The following SKAP2 variants were observed in gnomAD, a reference collection of about 807,000 sequenced individuals.
SKAP2 encodes src kinase-associated phosphoprotein 2.
SKAP2 carries 28 observed loss-of-function variants against 54.9 expected under a neutral mutation model. The ratio of observed to expected loss-of-function variants is 0.51; its 90% CI spans 0.38 to 0.70. The LOEUF (loss-of-function observed/expected upper bound fraction) is 0.70. SKAP2 is among the 30% of genes least tolerant of loss of function. The pLI, the probability that SKAP2 is intolerant of heterozygous loss-of-function variation, is 0.00. For missense variants in SKAP2, 356 were observed against 424.1 expected (o/e 0.84, Z 1.41); for synonymous variants, 137 against 134.3 (o/e 1.02, Z -0.14).
chr7:26,698,835 T>C (rs1354391360), intron 9 of SKAP2, among the ~76,000 whole-genome samples: 3 of 152,198 alleles, frequency 2.0e-5, no homozygotes. Context: ...AATGATAAAA[T>C]TTGAGCTTTC....
At chr7:26,678,760 G>GC (rs773021927) in intron 11 of SKAP2, among the ~76,000 whole-genome samples, 8 of 151,988 alleles carry the variant, frequency 5.3e-5, no homozygotes, top group Non-Finnish European at 1.0e-4. Flanking sequence ...TTCCTTGATA[G>GC]CTGAATACTC....
chr7:26,844,084 T>G lies in SKAP2; in HGVS notation c.253A>C (p.Thr85Pro). Residue 85 changes from threonine to proline, a missense_variant, in exon 4 of 13, where the codon ACT (threonine) becomes CCT (proline). Physicochemically the swap from Thr to Pro is conservative, Grantham distance 38. Transcript: ENST00000345317. ...TATCGTTCTGAGGCTAATGAAATAG[T>G]GTCTGGAGGCCCAGCAAAAGGGTCA... The part of the protein sequence containing the change: ...YDDPFAGPPD[T>P]ISLASERYDK... The G allele has an allele frequency of 6.2e-7, 1 of 1,612,794 alleles. No individual in the cohort carries two copies. The highest frequency in any genetic ancestry group is 2.2e-5 in the East Asian group (1 of 44,814).
At chr7:26,820,183 T>G (rs2127990124) in intron 4 of SKAP2, among the ~76,000 whole-genome samples, 1 of 152,280 alleles carries the variant, frequency 6.6e-6, no homozygotes, top group South Asian at 2.1e-4. Flanking sequence ...TATTGTGAGA[T>G]CTTATCTCTT....
Position 26,854,173 on chromosome 7 carries a change from A to C in SKAP2, c.174-11T>G, listed in dbSNP as rs780140557. ...AATTCCTGAAGATAGCTACAAAACA[A>C]AGAACATATTTTTAAATGAGGTTGA... On this transcript the variant is annotated splice_polypyrimidine_tract_variant and intron_variant, in intron 2 of 12. Transcript: ENST00000345317. 6.4e-7 allele frequency: 1 copy of C among 1,559,950 alleles called. No homozygotes were observed. Among genetic ancestry groups the C allele is most frequent in the Non-Finnish European group, 8.7e-7 (1 of 1,147,276 alleles).
chr7:26,848,536 T>C (rs10272457), intron 3 of SKAP2, among the ~76,000 whole-genome samples: 32,188 of 152,026 alleles, frequency 0.21, 3,482 homozygotes, highest in Non-Finnish European at 0.24. Context: ...ATTATATATA[T>C]GCAAATGTCC....
intron 4 of SKAP2, among the ~76,000 whole-genome samples, chr7:26,789,247 T>G (rs1005706965): frequency 3.3e-5 from 5 of 152,200 alleles, no homozygotes; most frequent in African/African-American, 1.2e-4. Context: ...GTTAAAAAAA[T>G]TTTTAGCTCA....
At chr7:26,763,679 C>A (rs1167795881) in intron 4 of SKAP2, among the ~76,000 whole-genome samples, 2 of 152,146 alleles carry the variant, frequency 1.3e-5, no homozygotes, top group African/African-American at 4.8e-5. Flanking sequence ...CATCACTTAA[C>A]AACAGGGATA....
intron 4 of SKAP2, among the ~76,000 whole-genome samples, chr7:26,748,187 G>A (rs1257334117): frequency 1.3e-5 from 2 of 151,988 alleles, no homozygotes; most frequent in African/African-American, 2.4e-5. Flanking sequence ...AAAAGTAGAT[G>A]TGAAAAAAAT....
At chr7:26,753,467 T>A (rs1446578505) in intron 4 of SKAP2, among the ~76,000 whole-genome samples, 1 of 152,124 alleles carries the variant, frequency 6.6e-6, no homozygotes, top group Non-Finnish European at 1.5e-5. Flanking sequence ...AATAAAAAAA[T>A]CAATATACAG....
chr7:26,719,167 C>T (rs1385553750), intron 9 of SKAP2, among the ~76,000 whole-genome samples: 1 of 151,832 alleles, frequency 6.6e-6, no homozygotes, highest in Non-Finnish European at 1.5e-5. Context: ...AGAGCAAGAC[C>T]CTATCTTTAA....
intron 9 of SKAP2, among the ~76,000 whole-genome samples, chr7:26,714,351 A>G (rs1328602474): frequency 6.6e-6 from 1 of 152,230 alleles, no homozygotes; most frequent in Non-Finnish European, 1.5e-5. Context: ...CAAAGGGGCT[A>G]ATGGATAAGT....
chr7:26,743,031 A>G (rs933508392), intron 4 of SKAP2, among the ~76,000 whole-genome samples: 2 of 152,210 alleles, frequency 1.3e-5, no homozygotes, highest in African/African-American at 4.8e-5. Context: ...TACATGAAGA[A>G]AAGGAAATTA....
chr7:26,786,783 C>CT (rs1039164353), intron 4 of SKAP2, among the ~76,000 whole-genome samples: 7 of 152,110 alleles, frequency 4.6e-5, no homozygotes, highest in African/African-American at 7.2e-5. Flanking sequence ...TCTAGAATAT[C>CT]TTTTTTTTCT....
chr7:26,757,239 T>C (rs890563661), intron 4 of SKAP2, among the ~76,000 whole-genome samples: 45 of 152,192 alleles, frequency 3.0e-4, no homozygotes, highest in African/African-American at 1.1e-3. Context: ...AGACATGAAG[T>C]CCTTGCCCAT....
chr7:26,796,059 T>C (rs1270005724), intron 4 of SKAP2, among the ~76,000 whole-genome samples: 2 of 152,226 alleles, frequency 1.3e-5, no homozygotes, highest in Non-Finnish European at 2.9e-5. Flanking sequence ...GCATAAAATA[T>C]ATGTAAATAC....
chr7:26,780,144 C>A (rs78772942), intron 4 of SKAP2, among the ~76,000 whole-genome samples: 2,653 of 152,160 alleles, frequency 0.017, 33 homozygotes, highest in Middle Eastern at 0.054. Flanking sequence ...TGCTTAACCT[C>A]TCTGTGCTGA....
At chr7:26,740,436 T>C (rs890080353) in intron 4 of SKAP2, among the ~76,000 whole-genome samples, 16 of 152,166 alleles carry the variant, frequency 1.1e-4, no homozygotes, top group African/African-American at 3.9e-4. Flanking sequence ...CCACAGCAAA[T>C]ATTCTCTGTG....
At chr7:26,831,060 C>T (rs977618341) in intron 4 of SKAP2, among the ~76,000 whole-genome samples, 1 of 151,982 alleles carries the variant, frequency 6.6e-6, no homozygotes, top group Admixed American at 6.6e-5. Context: ...CATTTTTTCC[C>T]CACTTATTTT....
chr7:26,748,517 T>G (rs1782606439), intron 4 of SKAP2, among the ~76,000 whole-genome samples: 1 of 152,122 alleles, frequency 6.6e-6, no homozygotes, highest in Non-Finnish European at 1.5e-5. Flanking sequence ...ATAAAAAATT[T>G]AAATCAAATT....
Sources: allele counts gnomAD v4.1 joint callset (sites outside exome capture counted in the v4.1 genomes callset), GRCh38; gene constraint gnomAD v4.1.1; transcripts MANE v1.5; gene names NCBI Gene and HGNC (gene_info 2026-07-23, HGNC 2026-07-21).